The following RPS24 variants were observed in gnomAD, a reference collection of about 807,000 sequenced individuals.
RPS24 encodes ribosomal protein S24.
For synonymous variants in RPS24, 72 were observed against 55.6 expected, an observed-to-expected ratio of 1.30 and a Z score of -1.31; for missense variants, 100 against 162.5, an observed-to-expected ratio of 0.62 and a Z score of 2.09.
At chr10:78,047,573 C>T (rs1329500869) in intron 4 of RPS24, among the ~76,000 whole-genome samples, 2 of 145,958 alleles carry the variant, frequency 1.4e-5, no homozygotes, top group Admixed American at 1.4e-4. Context: ...AGAGGTCACT[C>T]TTTCTTCTCA....
chr10:78,056,548 A>G (rs1354181005), exon 5 of RPS24: 1 of 152,196 alleles, frequency 6.6e-6, no homozygotes, highest in Non-Finnish European at 1.5e-5. Flanking sequence ...GTGCAAGCAG[A>G]GTTGTGAGAA....
At chr10:78,035,826 A>G (rs913657994) in intron 3 of RPS24, 106 bp downstream of exon 3, 27 of 907,840 alleles carry the variant, frequency 3.0e-5, no homozygotes, top group African/African-American at 6.6e-5. Flanking sequence ...CTGGGATACA[A>G]CTCTGAAAGG....
At chr10:78,047,730 G>A (rs1446149698) in intron 4 of RPS24, among the ~76,000 whole-genome samples, 1 of 152,216 alleles carries the variant, frequency 6.6e-6, no homozygotes, top group Admixed American at 6.5e-5. Flanking sequence ...TGTGCAAACA[G>A]CATTCCCCCT....
downstream of RPS24, among the ~76,000 whole-genome samples, chr10:78,043,301 C>T (rs1848007015): frequency 6.6e-6 from 1 of 152,174 alleles, no homozygotes; most frequent in South Asian, 2.1e-4. Flanking sequence ...CCGTGCCCGG[C>T]CTAATCTGCA....
chr10:78,039,072 T>A (rs966190810), intron 4 of RPS24: 1 of 152,186 alleles, frequency 6.6e-6, no homozygotes, highest in African/African-American at 2.4e-5. Context: ...TTGCAGTGAT[T>A]CCCTGCCAGG....
chr10:78,039,033 A>T (rs1169176568), intron 4 of RPS24: 1 of 152,194 alleles, frequency 6.6e-6, no homozygotes, highest in Non-Finnish European at 1.5e-5. Flanking sequence ...TTTTGAATCA[A>T]TGAAGGCCCT....
chr10:78,044,370 G>A (rs1206167622), downstream of RPS24, among the ~76,000 whole-genome samples: 1 of 152,162 alleles, frequency 6.6e-6, no homozygotes, highest in African/African-American at 2.4e-5. Context: ...GGAGGTGGGA[G>A]CAGAGTGGGT....
intron 1 of RPS24, chr10:78,034,497 T>TC: frequency 6.4e-6 from 1 of 155,572 alleles, no homozygotes; most frequent in East Asian, 1.9e-4. Context: ...CTTTTTTTTT[T>TC]CTCCTTACCT....
chr10:78,048,813 T>C (rs141294941), intron 4 of RPS24, among the ~76,000 whole-genome samples: 3,337 of 144,384 alleles, frequency 0.023, 135 homozygotes, highest in African/African-American at 0.083. Context: ...AGAGGGAGGT[T>C]GCAGTGAGCC....
chr10:78,042,263 CCT>C (rs1379891151), downstream of RPS24, among the ~76,000 whole-genome samples: 4 of 152,188 alleles, frequency 2.6e-5, no homozygotes, highest in Non-Finnish European at 5.9e-5. Context: ...CTAACACCCT[CCT>C]CTACCTGCCC....
At chr10:78,042,286 T>G (rs1489906751), downstream of RPS24, among the ~76,000 whole-genome samples, 1 of 152,218 alleles carries the variant, frequency 6.6e-6, no homozygotes, top group Non-Finnish European at 1.5e-5. Context: ...TCTGGTCTTC[T>G]GTCCCTGCTG....
chr10:78,038,883 A>C (rs1285416557), intron 4 of RPS24: 1 of 152,152 alleles, frequency 6.6e-6, no homozygotes, highest in African/African-American at 2.4e-5. Context: ...CTGCTTGTCT[A>C]AGCCTTCCAA....
At chr10:78,043,759 C>G (rs1414866767), downstream of RPS24, among the ~76,000 whole-genome samples, 1 of 152,184 alleles carries the variant, frequency 6.6e-6, no homozygotes, top group Non-Finnish European at 1.5e-5. Context: ...AAGATCAGTG[C>G]AGGGAGGCTG....
exon 5 of RPS24, chr10:78,055,910 G>T (rs1019621932): frequency 6.6e-6 from 1 of 152,186 alleles, no homozygotes; most frequent in African/African-American, 2.4e-5. Flanking sequence ...ACACAACCAC[G>T]CCTGGCTAAT....
downstream of RPS24, among the ~76,000 whole-genome samples, chr10:78,042,479 G>A (rs1377115111): frequency 2.6e-5 from 4 of 152,232 alleles, no homozygotes; most frequent in Admixed American, 6.5e-5. Context: ...CTAGTGCTAA[G>A]CAATTGTTTG....
At chr10:78,048,073 G>A (rs1848063589) in intron 4 of RPS24, among the ~76,000 whole-genome samples, 1 of 152,190 alleles carries the variant, frequency 6.6e-6, no homozygotes, top group Admixed American at 6.5e-5. Context: ...GGGAGTTGAG[G>A]AAGAGACTGC....
In RPS24 at chr10:78,033,899, AT is replaced by A. The variant is rs776763274; in HGVS notation, c.-2del. 2.5e-6 allele frequency: 4 copies of A among 1,613,994 alleles called. No individual in the cohort carries two copies. The East Asian group carries it at 6.7e-5, about 27-fold the overall frequency. ...CTTGGCTGTCTGAAGATAGATCGCCATCATGGTGAGTCTCCCTGGGCCCGTG... is the reference window on the plus strand; with the variant it reads ...CTTGGCTGTCTGAAGATAGATCGCCACATGGTGAGTCTCCCTGGGCCCGTG... On this transcript the variant is annotated 5_prime_UTR_variant, in exon 1 of 6. Transcript: ENST00000372360.
At chr10:78,054,889 C>T (rs1478523951) in exon 5 of RPS24, 1 of 1,544,568 alleles carries the variant, frequency 6.5e-7, no homozygotes. Flanking sequence ...GCCTTGTCAG[C>T]AACCTTGACT....
intron 1 of RPS24, chr10:78,034,333 C>A: frequency 3.8e-6 from 1 of 262,234 alleles, no homozygotes; most frequent in South Asian, 5.2e-5. Flanking sequence ...GAAACCATTC[C>A]CACGTGTAAG....
Sources: gnomAD v4.1 joint callset for allele counts (sites outside exome capture counted in the v4.1 genomes callset) on GRCh38, gnomAD v4.1.1 for gene constraint, MANE v1.5 for transcripts, NCBI Gene and HGNC (gene_info 2026-07-23, HGNC 2026-07-21) for gene names.